Variants in CDH12 observed in about 807,000 individuals in gnomAD.
CDH12 encodes the protein cadherin-12.
CDH12 carries 41 observed loss-of-function variants against 74.1 expected under a neutral mutation model. The ratio of observed to expected loss-of-function variants is 0.55; its 90% CI spans 0.43 to 0.72. The LOEUF is 0.72. CDH12 is among the 30% of genes least tolerant of loss of function. CDH12 has a pLI of 0.00. For synonymous variants in CDH12, 399 were observed against 355.0 expected (o/e 1.12, Z -1.39); for missense variants, 945 against 977.2 (o/e 0.97, Z 0.44).
chr5:21,795,289 G>A (rs1397526693), intron 10 of CDH12, among the ~76,000 whole-genome samples: 2 of 151,590 alleles, frequency 1.3e-5, no homozygotes, highest in Non-Finnish European at 3.0e-5. Context: ...AAATCTGAGG[G>A]TTGAAATACT....
At chr5:22,790,388 T>C (rs1443561123) in intron 1 of CDH12, among the ~76,000 whole-genome samples, 2 of 152,134 alleles carry the variant, frequency 1.3e-5, no homozygotes, top group Non-Finnish European at 2.9e-5. Context: ...CTCACAATTC[T>C]CAAAGGGTCT....
At chr5:22,306,787 A>T (rs1033069817) in intron 3 of CDH12, among the ~76,000 whole-genome samples, 1 of 152,186 alleles carries the variant, frequency 6.6e-6, no homozygotes, top group Admixed American at 6.5e-5. Context: ...GCTGCTTAAG[A>T]TACTTATAAA....
chr5:22,682,502 A>T (rs1741547993), intron 1 of CDH12, among the ~76,000 whole-genome samples: 1 of 152,078 alleles, frequency 6.6e-6, no homozygotes, highest in South Asian at 2.1e-4. Flanking sequence ...TACAACAGAG[A>T]TTCTATTTAA....
At chr5:22,477,757 C>G (rs944080692) in intron 2 of CDH12, among the ~76,000 whole-genome samples, 1 of 152,102 alleles carries the variant, frequency 6.6e-6, no homozygotes, top group Admixed American at 6.5e-5. Context: ...AAGCGGCCAA[C>G]AACAAAAACC....
In CDH12 at chr5:22,332,241, A is replaced by T. The variant is rs554912575; in HGVS notation, c.-333+73016T>A. On this transcript the variant is annotated intron_variant, in intron 3 of 14. Transcript: ENST00000382254. ...ATCAATTCCCAAAGGCCAGAGATGA[A>T]GAAAATATCCTAAAGTCAGCAAAAG... 1.4e-4 allele frequency among the ~76,000 whole-genome samples: 21 copies of T among 152,310 alleles called. No homozygotes were observed. In the East Asian group the frequency reaches 4.1e-3, roughly 29 times the overall value.
At chr5:22,634,266 C>T (rs1325845468) in intron 1 of CDH12, among the ~76,000 whole-genome samples, 1 of 151,886 alleles carries the variant, frequency 6.6e-6, no homozygotes, top group East Asian at 1.9e-4. Flanking sequence ...ATTAAAACTT[C>T]CAACCAAAAG....
intron 6 of CDH12, among the ~76,000 whole-genome samples, chr5:21,968,488 A>T (rs1756686601): frequency 3.9e-5 from 6 of 152,244 alleles, no homozygotes; most frequent in Admixed American, 3.9e-4. Context: ...TGGAAAAAGA[A>T]CAGAATAACT....
At chr5:22,674,043 C>T (rs147013540) in intron 1 of CDH12, among the ~76,000 whole-genome samples, 6 of 152,294 alleles carry the variant, frequency 3.9e-5, no homozygotes, top group African/African-American at 1.4e-4. Context: ...CAGAACAATT[C>T]TGTGTGCTTA....
intron 4 of CDH12, among the ~76,000 whole-genome samples, chr5:22,117,531 T>TA (rs1745246657): frequency 9.0e-6 from 1 of 110,824 alleles, no homozygotes; most frequent in African/African-American, 3.6e-5. Flanking sequence ...ATAATATATA[T>TA]ATATATATAT....
chr5:22,737,197 T>G (rs1022413759), intron 1 of CDH12, among the ~76,000 whole-genome samples: 1 of 151,956 alleles, frequency 6.6e-6, no homozygotes, highest in Admixed American at 6.6e-5. Flanking sequence ...GTGTGTATTA[T>G]TCTATATCTT....
intron 4 of CDH12, among the ~76,000 whole-genome samples, chr5:22,203,974 A>C (rs1378940620): frequency 6.6e-6 from 1 of 152,198 alleles, no homozygotes; most frequent in Admixed American, 6.5e-5. Context: ...ATGGGATTAC[A>C]TCAAAATAAA....
At chr5:22,534,234 C>T (rs990213564) in intron 1 of CDH12, among the ~76,000 whole-genome samples, 1 of 151,540 alleles carries the variant, frequency 6.6e-6, no homozygotes, top group Admixed American at 6.6e-5. Flanking sequence ...TATTGGGAAA[C>T]AGGTGGTGTT....
chr5:22,400,506 G>A (rs58496547), intron 3 of CDH12, among the ~76,000 whole-genome samples: 1,743 of 151,806 alleles, frequency 0.011, 28 homozygotes, highest in African/African-American at 0.04. Flanking sequence ...CGTTGCCCAG[G>A]CTGAACCTTG....
At chr5:21,775,063 G>C (rs559608347) in intron 11 of CDH12, among the ~76,000 whole-genome samples, 1 of 152,158 alleles carries the variant, frequency 6.6e-6, no homozygotes, top group Non-Finnish European at 1.5e-5. Flanking sequence ...AATGTTCCAG[G>C]TGTCTCTGAT....
intron 1 of CDH12, among the ~76,000 whole-genome samples, chr5:22,751,960 T>A (rs923706848): frequency 1.3e-5 from 2 of 151,830 alleles, no homozygotes; most frequent in African/African-American, 4.8e-5. Flanking sequence ...TATACTCTAT[T>A]TTTTTTGAAG....
chr5:22,240,976 G>A (rs145677302), intron 3 of CDH12, among the ~76,000 whole-genome samples: 127 of 152,190 alleles, frequency 8.3e-4, no homozygotes, highest in Non-Finnish European at 1.3e-3. Flanking sequence ...AGGAGGAGGA[G>A]GAGAAGAGAA....
intron 5 of CDH12, among the ~76,000 whole-genome samples, chr5:21,998,316 T>A (rs1736412420): frequency 6.6e-6 from 1 of 152,112 alleles, no homozygotes; most frequent in African/African-American, 2.4e-5. Flanking sequence ...TTAAACTAAA[T>A]CTGAGAAAAG....
At chr5:22,711,220 A>C (rs1356038608) in intron 1 of CDH12, among the ~76,000 whole-genome samples, 2 of 152,154 alleles carry the variant, frequency 1.3e-5, no homozygotes, top group East Asian at 3.9e-4. Context: ...GCAATACAAC[A>C]GGTCGAAGTA....
At chr5:21,995,178 G>A (rs1418611403) in intron 5 of CDH12, among the ~76,000 whole-genome samples, 1 of 151,850 alleles carries the variant, frequency 6.6e-6, no homozygotes, top group African/African-American at 2.4e-5. Flanking sequence ...CCGCGATCAC[G>A]GCTTAGTGCT....
Sources: allele counts gnomAD v4.1 joint callset (sites outside exome capture counted in the v4.1 genomes callset), GRCh38; gene constraint gnomAD v4.1.1; transcripts MANE v1.5; gene names NCBI Gene and HGNC (gene_info 2026-07-23, HGNC 2026-07-21).